UNC5D: variants seen among roughly 807,000 people sequenced by gnomAD.
UNC5D encodes unc-5 netrin receptor D.
In UNC5D, 39 loss-of-function variants were observed where a neutral mutation model predicts 105.4. The observed-to-expected ratio is 0.37, with a 90% CI of 0.29 to 0.48. The LOEUF is 0.48. UNC5D is among the 20% of genes least tolerant of loss of function. The pLI is 0.98. For synonymous variants in UNC5D, 452 were observed against 450.4 expected (o/e 1.00, Z -0.04); for missense variants, 991 against 1,202.4 (o/e 0.82, Z 2.60).
At chr8:35,581,467 G>A (rs988114362) in intron 3 of UNC5D, among the ~76,000 whole-genome samples, 2 of 152,126 alleles carry the variant, frequency 1.3e-5, no homozygotes, top group Admixed American at 6.5e-5. Flanking sequence ...CTGCTGCAGG[G>A]TGATGGTGGA....
Position 35,715,019 on chromosome 8 carries a change from C to A in UNC5D, c.1118-7191C>A, listed in dbSNP as rs143138996. Among the ~76,000 whole-genome samples the A allele has an allele frequency of 5.6e-3, 858 of 152,230 alleles. 6 individuals are homozygous for A. Among genetic ancestry groups the A allele is most frequent in the African/African-American group, 0.02 (821 of 41,542 alleles). ...ATACAAAATTAGCCGAGTGTGGTGG[C>A]GCATGCCTGTAATTCCAGCTGCTCG... On this transcript the variant is annotated intron_variant, in intron 8 of 16. Coordinates refer to ENST00000404895, the MANE Select transcript of UNC5D (RefSeq NM_080872.4).
intron 1 of UNC5D, among the ~76,000 whole-genome samples, chr8:35,324,132 G>A (rs1809962652): frequency 1.3e-5 from 2 of 150,802 alleles, no homozygotes; most frequent in South Asian, 4.2e-4. Context: ...TACTATAGAG[G>A]TGATGCAGGA....
intron 11 of UNC5D, among the ~76,000 whole-genome samples, chr8:35,744,587 A>T (rs1829914318): frequency 6.6e-6 from 1 of 152,130 alleles, no homozygotes; most frequent in Non-Finnish European, 1.5e-5. Context: ...TCAATGGGTT[A>T]TAATTCTTTA....
At chr8:35,714,349 T>G (rs769913320) in intron 8 of UNC5D, among the ~76,000 whole-genome samples, 1 of 152,202 alleles carries the variant, frequency 6.6e-6, no homozygotes, top group Admixed American at 6.5e-5. Context: ...GAGCACAAGA[T>G]GCAGGTGGTT....
chr8:35,538,859 G>A (rs190686846), intron 1 of UNC5D, among the ~76,000 whole-genome samples: 1 of 152,208 alleles, frequency 6.6e-6, no homozygotes, highest in Non-Finnish European at 1.5e-5. Flanking sequence ...TCTGTTTGAA[G>A]CATAAAAGTT....
chr8:35,526,316 C>T (rs1813872090), intron 1 of UNC5D, among the ~76,000 whole-genome samples: 1 of 152,156 alleles, frequency 6.6e-6, no homozygotes, highest in Non-Finnish European at 1.5e-5. Context: ...CTCCAGAAAG[C>T]GGCTCCCTGA....
chr8:35,502,471 T>A (rs904565228), intron 1 of UNC5D, among the ~76,000 whole-genome samples: 3 of 152,218 alleles, frequency 2.0e-5, no homozygotes, highest in African/African-American at 4.8e-5. Context: ...TAACTAAAAT[T>A]ATTTCAAATA....
At chr8:35,466,641 A>G (rs1056274959) in intron 1 of UNC5D, among the ~76,000 whole-genome samples, 15 of 152,226 alleles carry the variant, frequency 9.9e-5, no homozygotes, top group African/African-American at 3.6e-4. Flanking sequence ...CAAAAATGGA[A>G]ATTCAATTTT....
intron 15 of UNC5D, 22 bp downstream of exon 15, chr8:35,767,088 C>A (rs1404488781): frequency 7.6e-6 from 12 of 1,588,332 alleles, no homozygotes; most frequent in South Asian, 1.1e-5. Flanking sequence ...ATCTACAGGT[C>A]ATTTGACCCC....
intron 15 of UNC5D, among the ~76,000 whole-genome samples, chr8:35,770,315 C>G (rs7836141): frequency 0.085 from 12,970 of 152,060 alleles, 1,549 homozygotes; most frequent in African/African-American, 0.27. Flanking sequence ...TGCTTTAAAT[C>G]TTTAAGTCAA....
At chr8:35,443,924 ACTTT>A (rs1807604064) in intron 1 of UNC5D, among the ~76,000 whole-genome samples, 2 of 151,950 alleles carry the variant, frequency 1.3e-5, no homozygotes, top group African/African-American at 4.8e-5. Flanking sequence ...AGAAAGGGTC[ACTTT>A]CTTCACTGCT....
At position 35,375,939 on chromosome 8, in the gene UNC5D, C is replaced by T. The variant is rs987417967; in HGVS notation, c.103+140052C>T. ...ATTCCAGATATTCTACCTCTTTATA[C>T]TCTCCCACCTCCTGAATCTCAGAAG... On this transcript the variant is annotated intron_variant, in intron 1 of 16. Transcript: ENST00000404895. 9.9e-5 allele frequency among the ~76,000 whole-genome samples: 15 copies of T among 152,222 alleles called. No homozygotes were observed. The East Asian group carries it at 1.9e-3, about 20-fold the overall frequency.
chr8:35,711,168 TTTTTGTTTTG>T (rs536017128), intron 8 of UNC5D, among the ~76,000 whole-genome samples: 83 of 148,484 alleles, frequency 5.6e-4, no homozygotes, highest in Non-Finnish European at 7.5e-4. Flanking sequence ...CGGCTTTCTG[TTTTTGTTTTG>T]TTTTGTTTTG....
intron 7 of UNC5D, among the ~76,000 whole-genome samples, chr8:35,692,792 G>A (rs184795109): frequency 1.3e-5 from 2 of 152,292 alleles, no homozygotes; most frequent in Admixed American, 6.5e-5. Context: ...CCTACTGCTC[G>A]CTAATTCTCC....
At chr8:35,788,750 A>G (rs1802872302) in intron 16 of UNC5D, among the ~76,000 whole-genome samples, 1 of 151,962 alleles carries the variant, frequency 6.6e-6, no homozygotes, top group Non-Finnish European at 1.5e-5. Context: ...ATTCACATGA[A>G]AGTTAAGTAC....
At chr8:35,291,085 C>T (rs551883711) in intron 1 of UNC5D, among the ~76,000 whole-genome samples, 1 of 151,996 alleles carries the variant, frequency 6.6e-6, no homozygotes, top group Non-Finnish European at 1.5e-5. Context: ...CCCAGTAAAC[C>T]AAGTGGAAAC....
At position 35,572,116 on chromosome 8, in the gene UNC5D, G is replaced by A. The variant is rs568638972; in HGVS notation, c.466+3875G>A. Among the ~76,000 whole-genome samples, 12 of 151,908 alleles carry A rather than the reference G, an allele frequency of 7.9e-5. No homozygotes were observed. In the South Asian group the frequency reaches 1.5e-3, roughly 18 times the overall value. On this transcript the variant is annotated intron_variant, in intron 3 of 16. Transcript: ENST00000404895. ...AGCCTGGCCAACATGTCGAAACCCC[G>A]TCTTTACAAAAAATTACAGAAATTA...
chr8:35,596,795 G>A (rs11775895), intron 4 of UNC5D, among the ~76,000 whole-genome samples: 26,365 of 152,164 alleles, frequency 0.17, 2,458 homozygotes, highest in South Asian at 0.27. Flanking sequence ...CAAAGGATGC[G>A]ATCAGATATG....
intron 3 of UNC5D, among the ~76,000 whole-genome samples, chr8:35,577,172 A>G (rs1277859741): frequency 1.3e-5 from 2 of 152,244 alleles, no homozygotes; most frequent in Admixed American, 1.3e-4. Flanking sequence ...TTTAAAATCA[A>G]GGACATTTTC....
Sources: allele counts gnomAD v4.1 joint callset (sites outside exome capture counted in the v4.1 genomes callset), GRCh38; gene constraint gnomAD v4.1.1; transcripts MANE v1.5; gene names NCBI Gene and HGNC (gene_info 2026-07-23, HGNC 2026-07-21).